The following TRAF3 variants were observed in gnomAD, a reference collection of about 807,000 sequenced individuals.
TRAF3 encodes TNF receptor-associated factor 3.
A neutral mutation model predicts 62.3 loss-of-function variants in TRAF3; 13 were observed. The observed-to-expected ratio is 0.21, with a 90% CI of 0.14 to 0.33. The LOEUF (loss-of-function observed/expected upper bound fraction) is 0.33. Among genes scored for constraint, TRAF3 ranks in the 10% least tolerant of loss-of-function variants. The pLI is 1.00. For synonymous variants in TRAF3, 269 were observed against 283.4 expected, an observed-to-expected ratio of 0.95 and a Z score of 0.51; for missense variants, 440 against 741.8, an observed-to-expected ratio of 0.59 and a Z score of 4.73.
At position 102,822,480 on chromosome 14, in the gene TRAF3, A is replaced by G. The variant is rs188608260; in HGVS notation, c.-156-7854A>G. On this transcript the variant is annotated intron_variant, in intron 1 of 11. Coordinates refer to ENST00000392745, the MANE Select transcript of TRAF3 (RefSeq NM_145725.3). ...TGAGTAACTTGAAATGCAGTATCATAAAAAGAATCAGATCTACCAAACTGA... is the reference window on the plus strand; with the variant it reads ...TGAGTAACTTGAAATGCAGTATCATGAAAAGAATCAGATCTACCAAACTGA... Among the ~76,000 whole-genome samples, 206 of 152,348 alleles carry G rather than the reference A, an allele frequency of 1.4e-3. 4 individuals are homozygous for G. The highest frequency in any genetic ancestry group is 0.013 in the Admixed American group (206 of 15,300).
chr14:102,856,125 C>T (rs1347106103), intron 2 of TRAF3, among the ~76,000 whole-genome samples: 1 of 141,158 alleles, frequency 7.1e-6, no homozygotes, highest in East Asian at 2.2e-4. Flanking sequence ...AAAAAAATTA[C>T]AGCCATCCCA....
At position 102,880,915 on chromosome 14, in the gene TRAF3, TAAAAA is replaced by T. The variant is rs755694980; in HGVS notation, c.570+4393_570+4397del. 2.0e-5 allele frequency among the ~76,000 whole-genome samples: 3 copies of T among 151,874 alleles called. No homozygotes were observed. In the South Asian group the frequency reaches 6.2e-4, roughly 32 times the overall value. On this transcript the variant is annotated intron_variant, in intron 6 of 11. Coordinates refer to ENST00000392745, the MANE Select transcript of TRAF3 (RefSeq NM_145725.3). ...GAAAATGGAGAAACCCCATCTCTAT[TAAAAA>T]AACAAAATGAGCCGGGTGTGGTGGC...
intron 1 of TRAF3, among the ~76,000 whole-genome samples, chr14:102,786,544 G>A (rs761267476): frequency 2.0e-5 from 3 of 152,128 alleles, no homozygotes; most frequent in Non-Finnish European, 4.4e-5. Context: ...AAAATTAGCC[G>A]GGCGTGGTGG....
At chr14:102,831,409 C>T (rs536307405) in intron 2 of TRAF3, among the ~76,000 whole-genome samples, 2 of 152,348 alleles carry the variant, frequency 1.3e-5, no homozygotes, top group East Asian at 3.8e-4. Context: ...CCAAGCTCAG[C>T]AGGCGGAGGT....
At chr14:102,781,176 G>C (rs1339982047) in intron 1 of TRAF3, among the ~76,000 whole-genome samples, 2 of 40,638 alleles carry the variant, frequency 4.9e-5, no homozygotes, top group Non-Finnish European at 1.2e-4. Flanking sequence ...CCCTCTTACA[G>C]GGCCCCCTCC....
chr14:102,813,571 C>G (rs1395166579), intron 1 of TRAF3, among the ~76,000 whole-genome samples: 1 of 152,006 alleles, frequency 6.6e-6, no homozygotes, highest in African/African-American at 2.4e-5. Context: ...CTGCCTCAAC[C>G]TCTTGAGTAG....
At chr14:102,795,832 A>T (rs1026791813) in intron 1 of TRAF3, among the ~76,000 whole-genome samples, 2 of 152,198 alleles carry the variant, frequency 1.3e-5, no homozygotes, top group African/African-American at 4.8e-5. Context: ...GTCCGAACAG[A>T]CAGGCCTTGC....
intron 1 of TRAF3, among the ~76,000 whole-genome samples, chr14:102,822,410 T>C (rs1900042175): frequency 6.6e-6 from 1 of 152,216 alleles, no homozygotes; most frequent in Non-Finnish European, 1.5e-5. Flanking sequence ...GTTGTCAATA[T>C]GCAGATTTTC....
chr14:102,883,280 G>A (rs1388475044), intron 6 of TRAF3, among the ~76,000 whole-genome samples: 1 of 152,228 alleles, frequency 6.6e-6, no homozygotes, highest in Non-Finnish European at 1.5e-5. Flanking sequence ...ATTTGCAATA[G>A]GCAGATGAGT....
chr14:102,833,994 G>GA (rs34699700), intron 2 of TRAF3, among the ~76,000 whole-genome samples: 86,929 of 149,978 alleles, frequency 0.58, 27,987 homozygotes, highest in Middle Eastern at 0.84. Flanking sequence ...GTCTCGGGGG[G>GA]AAAAAAAAGA....
chr14:102,842,390 GAAGAA>G, intron 2 of TRAF3, among the ~76,000 whole-genome samples: 1 of 151,346 alleles, frequency 6.6e-6, no homozygotes, highest in Non-Finnish European at 1.5e-5. Context: ...TATTACGACA[GAAGAA>G]AAGAGTTCAT....
chr14:102,889,438 C>T (rs1482739425), intron 7 of TRAF3, 122 bp from the exon 8 acceptor site: 5 of 994,584 alleles, frequency 5.0e-6, no homozygotes, highest in East Asian at 2.4e-5. Flanking sequence ...ATGATATATA[C>T]ACACCTGTAG....
intron 1 of TRAF3, among the ~76,000 whole-genome samples, chr14:102,828,516 C>T (rs1900462991): frequency 6.6e-6 from 1 of 152,170 alleles, no homozygotes; most frequent in Admixed American, 6.5e-5. Context: ...TTCCTGGGAA[C>T]GTGAAGCTGA....
intron 2 of TRAF3, among the ~76,000 whole-genome samples, chr14:102,844,189 A>G (rs925391785): frequency 9.2e-5 from 14 of 152,282 alleles, no homozygotes; most frequent in African/African-American, 2.4e-4. Context: ...GTTCTTGAGT[A>G]CAAGATTAAA....
intron 2 of TRAF3, among the ~76,000 whole-genome samples, chr14:102,850,045 GC>G (rs758643451): frequency 1.1e-4 from 16 of 152,150 alleles, no homozygotes; most frequent in Non-Finnish European, 2.2e-4. Context: ...CCTTTTGTCA[GC>G]AGATGTACTT....
intron 2 of TRAF3, among the ~76,000 whole-genome samples, chr14:102,844,439 A>G (rs1886572238): frequency 6.6e-6 from 1 of 152,176 alleles, no homozygotes; most frequent in Admixed American, 6.5e-5. Flanking sequence ...CATAGTGGGA[A>G]GAGGAGACCC....
chr14:102,848,189 T>G lies in TRAF3; in HGVS notation c.-18+17717T>G, dbSNP rs142738444. On this transcript the variant is annotated intron_variant, in intron 2 of 11. Coordinates refer to ENST00000392745, the MANE Select transcript of TRAF3 (RefSeq NM_145725.3). ...TGTGTTTCAGTCTCTAACTTGTGAT[T>G]GAGTGGCTGAGGTGGGAGGATCTCT... Among the ~76,000 whole-genome samples, 74 of 152,332 alleles carry G rather than the reference T, an allele frequency of 4.9e-4. 1 individual carries two copies. In the East Asian group the frequency reaches 0.013, roughly 26 times the overall value.
chr14:102,862,541 C>T (rs929890106), intron 2 of TRAF3, among the ~76,000 whole-genome samples: 2 of 151,952 alleles, frequency 1.3e-5, no homozygotes, highest in African/African-American at 2.4e-5. Flanking sequence ...TGAAGAGTCA[C>T]TTCTCTCTTG....
At chr14:102,777,786 C>CCGGCGCGGGCCCGGCG (rs1897080142) in intron 1 of TRAF3, 111 bp downstream of exon 1, 1 of 143,000 alleles carries the variant, frequency 7.0e-6, no homozygotes, top group Non-Finnish European at 1.5e-5. Flanking sequence ...TCGGGGCTGC[C>CCGGCGCGGGCCCGGCG]CGGCGCGGGC....
Sources: gnomAD v4.1 joint callset for allele counts (sites outside exome capture counted in the v4.1 genomes callset) on GRCh38, gnomAD v4.1.1 for gene constraint, MANE v1.5 for transcripts, NCBI Gene and HGNC (gene_info 2026-07-23, HGNC 2026-07-21) for gene names.